The following SAMTOR variants were observed in gnomAD, a reference collection of about 807,000 sequenced individuals.
The protein encoded by SAMTOR is UPF0532 protein C7orf60.
chr7:112,923,133 A>C, the SAMTOR span, among the ~76,000 whole-genome samples: 1 of 152,230 alleles, frequency 6.6e-6, no homozygotes, highest in African/African-American at 2.4e-5. Flanking sequence ...TTCTGTACTA[A>C]GAAAAATTCT....
At chr7:112,842,787 G>C in the SAMTOR span, among the ~76,000 whole-genome samples, 1 of 151,884 alleles carries the variant, frequency 6.6e-6, no homozygotes, top group South Asian at 2.1e-4. Flanking sequence ...AATAGACTTT[G>C]AGTATCTATT....
chr7:112,925,995 A>G, the SAMTOR span, among the ~76,000 whole-genome samples: 1 of 152,266 alleles, frequency 6.6e-6, no homozygotes, highest in African/African-American at 2.4e-5. Flanking sequence ...TTGTGCACCT[A>G]AAGAATGGGA....
At chr7:112,936,709 A>T in the SAMTOR span, among the ~76,000 whole-genome samples, 1 of 152,160 alleles carries the variant, frequency 6.6e-6, no homozygotes, top group Non-Finnish European at 1.5e-5. Context: ...CCTGTCCTTA[A>T]TATTCAATGG....
chr7:112,867,787 C>G, the SAMTOR span, among the ~76,000 whole-genome samples: 3 of 152,124 alleles, frequency 2.0e-5, no homozygotes, highest in African/African-American at 7.2e-5. Context: ...TATTTAAAAG[C>G]AAAACATGAA....
chr7:112,872,077 A>G, the SAMTOR span, among the ~76,000 whole-genome samples: 1 of 152,192 alleles, frequency 6.6e-6, no homozygotes, highest in Non-Finnish European at 1.5e-5. Flanking sequence ...TATTGGAACT[A>G]TCCCCCCAAA....
chr7:112,838,435 T>G, the SAMTOR span, among the ~76,000 whole-genome samples: 1 of 151,924 alleles, frequency 6.6e-6, no homozygotes, highest in African/African-American at 2.4e-5. Context: ...TTAAAGGTAT[T>G]TTGTTATTTT....
chr7:112,864,237 T>C, the SAMTOR span, among the ~76,000 whole-genome samples: 1 of 152,068 alleles, frequency 6.6e-6, no homozygotes, highest in Non-Finnish European at 1.5e-5. Flanking sequence ...TGAAACCTAT[T>C]GGAGGGTGGG....
At chr7:112,929,046 C>T in the SAMTOR span, among the ~76,000 whole-genome samples, 2 of 151,898 alleles carry the variant, frequency 1.3e-5, no homozygotes, top group African/African-American at 4.8e-5. Context: ...TTTTTATATA[C>T]TTGATGTGTA....
chr7:112,862,504 C>T, the SAMTOR span, among the ~76,000 whole-genome samples: 1 of 152,154 alleles, frequency 6.6e-6, no homozygotes, highest in African/African-American at 2.4e-5. Context: ...CTACTGGTGC[C>T]AGGCCTTGAG....
chr7:112,919,536 G>T, the SAMTOR span, among the ~76,000 whole-genome samples: 21 of 152,076 alleles, frequency 1.4e-4, no homozygotes, highest in Admixed American at 3.3e-4. Context: ...ACAATTAAAA[G>T]AACTAGAAAA....
At chr7:112,939,435 A>T in the SAMTOR span, 1 of 1,145,214 alleles carries the variant, frequency 8.7e-7, no homozygotes, top group Non-Finnish European at 1.2e-6. Context: ...GATGCCGACT[A>T]GGGGGCTCAG....
the SAMTOR span, among the ~76,000 whole-genome samples, chr7:112,870,860 A>AT: frequency 6.6e-6 from 1 of 152,170 alleles, no homozygotes; most frequent in Non-Finnish European, 1.5e-5. Flanking sequence ...TAAATGGAAT[A>AT]TAAAAAAAAA....
chr7:112,932,801 T>C, the SAMTOR span, among the ~76,000 whole-genome samples: 1 of 152,148 alleles, frequency 6.6e-6, no homozygotes, highest in Non-Finnish European at 1.5e-5. Context: ...TGATGATTAA[T>C]AAAAACCCAG....
chr7:112,917,055 C>T, the SAMTOR span, among the ~76,000 whole-genome samples: 1 of 152,222 alleles, frequency 6.6e-6, no homozygotes, highest in Non-Finnish European at 1.5e-5. Context: ...GTAACCTCTG[C>T]AGACTTAAAT....
At chr7:112,867,327 T>G in the SAMTOR span, among the ~76,000 whole-genome samples, 1 of 152,354 alleles carries the variant, frequency 6.6e-6, no homozygotes, top group South Asian at 2.1e-4. Flanking sequence ...TACTCAATTT[T>G]ATGAATATTA....
chr7:112,925,814 T>C, the SAMTOR span, among the ~76,000 whole-genome samples: 1 of 138,980 alleles, frequency 7.2e-6, no homozygotes, highest in African/African-American at 2.7e-5. Flanking sequence ...AAAAAAAAAG[T>C]ACAACTTAAG....
the SAMTOR span, chr7:112,820,813 A>C: frequency 1.3e-5 from 2 of 152,050 alleles, no homozygotes; most frequent in Non-Finnish European, 2.9e-5. Context: ...TGAAACTTGT[A>C]GTGCGGCACC....
chr7:112,929,163 A>G, the SAMTOR span, among the ~76,000 whole-genome samples: 1 of 151,922 alleles, frequency 6.6e-6, no homozygotes, highest in Non-Finnish European at 1.5e-5. Context: ...ATTTTAAGAT[A>G]AAAATATATT....
chr7:112,832,090 C>T, the SAMTOR span, among the ~76,000 whole-genome samples: 2 of 151,580 alleles, frequency 1.3e-5, no homozygotes, highest in East Asian at 1.9e-4. Context: ...CGACTCACTG[C>T]CACCTCCGCC....
Sources: gnomAD v4.1 joint callset for allele counts (sites outside exome capture counted in the v4.1 genomes callset) on GRCh38, gnomAD v4.1.1 for gene constraint, MANE v1.5 for transcripts, NCBI Gene and HGNC (gene_info 2026-07-23, HGNC 2026-07-21) for gene names.